ATG2B: variants seen among roughly 807,000 people sequenced by gnomAD.
ATG2B encodes the protein autophagy-related protein 2 homolog B.
In ATG2B, 121 loss-of-function variants were observed where a neutral mutation model predicts 241.3. That is an observed-to-expected ratio of 0.50 (90% CI 0.43 to 0.58). ATG2B has a LOEUF of 0.58. Among genes scored for constraint, ATG2B ranks in the 20% least tolerant of loss-of-function variants. The pLI is 0.00. For missense variants in ATG2B, 2,306 were observed against 2,491.6 expected (o/e 0.93, Z 1.59); for synonymous variants, 858 against 876.6 (o/e 0.98, Z 0.37).
intron 36 of ATG2B, among the ~76,000 whole-genome samples, chr14:96,294,285 G>C (rs966633019): frequency 3.3e-5 from 5 of 152,214 alleles, no homozygotes; most frequent in African/African-American, 1.2e-4. Context: ...CTCATAACAA[G>C]GGGGCACTGA....
chr14:96,357,796 TAA>T (rs1387712489), intron 1 of ATG2B, among the ~76,000 whole-genome samples: 2 of 152,214 alleles, frequency 1.3e-5, no homozygotes, highest in Non-Finnish European at 2.9e-5. Context: ...TTTCCACAAC[TAA>T]AAGTTTGAAA....
Position 96,344,641 on chromosome 14 carries a change from T to C in ATG2B, c.581+13A>G. ...CAATAGGGTCATTTATTTTCAGACA[T>C]AAGAATTCTTACCTTTCTATTCGAA... is the stretch of plus-strand genomic sequence containing the variant. On this transcript the variant is annotated intron_variant, in intron 4 of 41. Coordinates refer to ENST00000359933, the MANE Select transcript of ATG2B (RefSeq NM_018036.7). 6.6e-7 allele frequency: 1 copy of C among 1,507,528 alleles called. No homozygotes were observed. Among genetic ancestry groups the C allele is most frequent in the Non-Finnish European group, 9.1e-7 (1 of 1,094,506 alleles). 93.4% of individuals were successfully genotyped at this position (1,507,528 alleles called of 1,614,324 possible). A position where few individuals can be genotyped will look rare whatever the true frequency, so the allele number is the denominator to read the frequency against.
chr14:96,362,776 G>A (rs369855578), intron 1 of ATG2B, 39 bp downstream of exon 1: 15 of 1,577,184 alleles, frequency 9.5e-6, no homozygotes, highest in African/African-American at 1.4e-5. Context: ...CCTAAAGAGG[G>A]GAGCGAGCCC....
rs1422675420 is a variant in ATG2B, at chr14:96,281,589, A to G, written c.*4166T>C. On this transcript the variant is annotated 3_prime_UTR_variant, in exon 42 of 42. Coordinates refer to ENST00000359933, the MANE Select transcript of ATG2B (RefSeq NM_018036.7). ...CAGCAAGTTATACAAACAATGCAAGACAAATCCAACTAGAAATCGGAAGCT... is the reference window on the plus strand; with the variant it reads ...CAGCAAGTTATACAAACAATGCAAGGCAAATCCAACTAGAAATCGGAAGCT... 1 of 152,238 alleles carries G rather than the reference A, an allele frequency of 6.6e-6. No individual in the cohort carries two copies. The highest frequency in any genetic ancestry group is 2.1e-4 in the South Asian group (1 of 4,834). 9.4% of individuals were successfully genotyped at this position (152,238 alleles called of 1,614,324 possible). A position where few individuals can be genotyped will look rare whatever the true frequency, so the allele number is the denominator to read the frequency against.
At chr14:96,351,911 AAAAAGAAAAAAAAAT>A (rs1172577590) in intron 1 of ATG2B, among the ~76,000 whole-genome samples, 1 of 151,416 alleles carries the variant, frequency 6.6e-6, no homozygotes, top group African/African-American at 2.4e-5. Context: ...CAAAAAAAAA[AAAAAGAAAAAAAAAT>A]TTTTATGCTT....
intron 36 of ATG2B, among the ~76,000 whole-genome samples, chr14:96,293,782 T>C (rs1292801678): frequency 1.3e-5 from 2 of 152,150 alleles, no homozygotes; most frequent in African/African-American, 4.8e-5. Context: ...AAATAAACAT[T>C]TACCTAAGTA....
Position 96,333,671 on chromosome 14 carries a change from CAGTTTG to C in ATG2B, c.1207+11_1207+16del. 6.2e-7 allele frequency: 1 copy of C among 1,606,972 alleles called. No homozygotes were observed. Among genetic ancestry groups the C allele is most frequent in the Non-Finnish European group, 8.5e-7 (1 of 1,176,690 alleles). On this transcript the variant is annotated intron_variant, in intron 8 of 41. Coordinates refer to ENST00000359933, the MANE Select transcript of ATG2B (RefSeq NM_018036.7). ...TTATAATATATGATTCTGGTGTCAACAGTTTGAGTTGCTTACCACGGCTAGAAGGTG... is the reference window on the plus strand; with the variant it reads ...TTATAATATATGATTCTGGTGTCAACAGTTGCTTACCACGGCTAGAAGGTG...
At position 96,343,707 on chromosome 14, in the gene ATG2B, C is replaced by G. The variant is rs563654767; in HGVS notation, c.582-426G>C. Among the ~76,000 whole-genome samples the G allele has an allele frequency of 7.4e-4, 112 of 152,332 alleles. 1 individual carries two copies. Among genetic ancestry groups the G allele is most frequent in the African/African-American group, 2.6e-3 (110 of 41,576 alleles). On this transcript the variant is annotated intron_variant, in intron 4 of 41. Transcript: ENST00000359933. ...AAAACATCTCTTGGTAACAGTGTGACAGCATTTGGCTCCAAGTCACAAATG... is the reference window on the plus strand; with the variant it reads ...AAAACATCTCTTGGTAACAGTGTGAGAGCATTTGGCTCCAAGTCACAAATG...
intron 17 of ATG2B, 87 bp from the exon 18 acceptor site, chr14:96,322,341 T>C (rs1595310982): frequency 6.9e-7 from 1 of 1,449,472 alleles, no homozygotes; most frequent in Admixed American, 2.4e-5. Flanking sequence ...TAGGACTTGG[T>C]ATGTGAGAAA....
intron 2 of ATG2B, among the ~76,000 whole-genome samples, chr14:96,346,187 G>C (rs2139898668): frequency 6.6e-6 from 1 of 152,224 alleles, no homozygotes; most frequent in East Asian, 1.9e-4. Flanking sequence ...TAAAATAAAA[G>C]AGCATCCTTG....
chr14:96,307,937 A>T (rs1030761965), intron 29 of ATG2B, among the ~76,000 whole-genome samples: 1 of 151,940 alleles, frequency 6.6e-6, no homozygotes, highest in South Asian at 2.1e-4. Flanking sequence ...AAACACTGTG[A>T]TGAGGCTGAG....
At chr14:96,307,101 A>G (rs1429529240) in intron 29 of ATG2B, among the ~76,000 whole-genome samples, 185 bp from the exon 30 acceptor site, 1 of 71,396 alleles carries the variant, frequency 1.4e-5, no homozygotes, top group Non-Finnish European at 4.4e-5. Flanking sequence ...CCTCAGCAAG[A>G]GTCAGAAATA....
chr14:96,338,571 A>G (rs573361985), intron 6 of ATG2B, among the ~76,000 whole-genome samples: 1 of 152,284 alleles, frequency 6.6e-6, no homozygotes, highest in South Asian at 2.1e-4. Context: ...TGATGCTGGG[A>G]AAACTGGCAA....
intron 1 of ATG2B, among the ~76,000 whole-genome samples, chr14:96,354,084 A>AT (rs1188057050): frequency 9.2e-5 from 14 of 152,350 alleles, no homozygotes; most frequent in Non-Finnish European, 1.6e-4. Flanking sequence ...TTTAAAAAAA[A>AT]TTTCAGAGAT....
intron 38 of ATG2B, 132 bp from the exon 39 acceptor site, chr14:96,291,067 A>C (rs1886471306): frequency 1.4e-6 from 1 of 725,322 alleles, no homozygotes; most frequent in Non-Finnish European, 2.1e-6. Context: ...CTTCAAAAAC[A>C]GGTAACATTT....
Position 96,332,294 on chromosome 14 carries a change from T to C in ATG2B, c.1468+11A>G. On this transcript the variant is annotated intron_variant, in intron 10 of 41. Coordinates refer to ENST00000359933, the MANE Select transcript of ATG2B (RefSeq NM_018036.7). ...GCGGAAACTAACAACAAATGTCTTA[T>C]TTTTACTTACATGTCTTCTGTAAAG... is the stretch of plus-strand genomic sequence containing the variant. The C allele has an allele frequency of 3.8e-6, 6 of 1,599,366 alleles. No homozygotes were observed. The highest frequency in any genetic ancestry group is 5.1e-6 in the Non-Finnish European group (6 of 1,167,676).
chr14:96,329,727 A>C, intron 11 of ATG2B, 93 bp from the exon 12 acceptor site: 1 of 710,812 alleles, frequency 1.4e-6, no homozygotes, highest in Non-Finnish European at 2.2e-6. Context: ...AATAATTAAT[A>C]CTCCTAAGGA....
In ATG2B at chr14:96,331,305, T is replaced by C. The variant is rs142239685; in HGVS notation, c.1730+71A>G. ...ATAGGCAGATACAAAAGTCCACATG[T>C]GGTTCTTTTTCAAGGATCATTAGCA... On this transcript the variant is annotated intron_variant, in intron 11 of 41. Transcript: ENST00000359933. 3.5e-6 allele frequency: 5 copies of C among 1,412,470 alleles called. No individual in the cohort carries two copies. In the African/African-American group the frequency reaches 7.2e-5, roughly 20 times the overall value. The allele number at this position is 1,412,470 out of a possible 1,614,324, so 87.5% of individuals were successfully genotyped here. A position where few individuals can be genotyped will look rare whatever the true frequency, so the allele number is the denominator to read the frequency against.
intron 25 of ATG2B, among the ~76,000 whole-genome samples, 184 bp downstream of exon 25, chr14:96,312,881 A>G (rs1887199495): frequency 6.6e-6 from 1 of 152,252 alleles, no homozygotes; most frequent in South Asian, 2.1e-4. Flanking sequence ...ATGAAATGCA[A>G]TAATAAATGG....
Sources: gnomAD v4.1 joint callset for allele counts (sites outside exome capture counted in the v4.1 genomes callset) on GRCh38, gnomAD v4.1.1 for gene constraint, MANE v1.5 for transcripts, NCBI Gene and HGNC (gene_info 2026-07-23, HGNC 2026-07-21) for gene names.